The following KDM1B variants were observed in gnomAD, a reference collection of about 807,000 sequenced individuals.
The protein encoded by KDM1B is lysine demethylase 1B.
KDM1B carries 63 observed loss-of-function variants against 107.4 expected under a neutral mutation model. The ratio of observed to expected loss-of-function variants is 0.59; its 90% CI spans 0.48 to 0.72. The LOEUF (loss-of-function observed/expected upper bound fraction) is 0.72. Among genes scored for constraint, KDM1B ranks in the 30% least tolerant of loss-of-function variants. The pLI, the probability that KDM1B is intolerant of heterozygous loss-of-function variation, is 0.00. For synonymous variants in KDM1B, 363 were observed against 363.9 expected, an observed-to-expected ratio of 1.00 and a Z score of 0.03; for missense variants, 749 against 1,020.8, an observed-to-expected ratio of 0.73 and a Z score of 3.63.
intron 7 of KDM1B, among the ~76,000 whole-genome samples, chr6:18,180,819 G>A (rs1434164238): frequency 6.6e-6 from 1 of 152,160 alleles, no homozygotes; most frequent in Non-Finnish European, 1.5e-5. Flanking sequence ...ACCTGTCTTG[G>A]CCTCTCAAAG....
chr6:18,197,004 G>T lies in KDM1B; in HGVS notation c.970-53G>T. ...ATGGATTGTTTTCCTGCTATTGTTTGAATTTCTTGGGACTTTTTTAAAAAA... is the reference window on the plus strand; with the variant it reads ...ATGGATTGTTTTCCTGCTATTGTTTTAATTTCTTGGGACTTTTTTAAAAAA... On this transcript the variant is annotated intron_variant, in intron 10 of 21. Transcript: ENST00000650836. The surrounding 1 kb of genome is among the most constrained non-coding windows in gnomAD (Gnocchi z 4.5). 1 of 1,481,858 alleles carries T rather than the reference G, an allele frequency of 6.7e-7. No homozygotes were observed. Among genetic ancestry groups the T allele is most frequent in the South Asian group, 1.2e-5 (1 of 83,478 alleles). 91.8% of individuals were successfully genotyped at this position (1,481,858 alleles called of 1,614,324 possible).
At chr6:18,169,233 AAT>A (rs1561911280) in intron 6 of KDM1B, among the ~76,000 whole-genome samples, 4 of 132,778 alleles carry the variant, frequency 3.0e-5, no homozygotes, top group African/African-American at 2.8e-5. Context: ...TATATATATA[AAT>A]TTTTTTTTTT....
intron 7 of KDM1B, among the ~76,000 whole-genome samples, chr6:18,176,440 C>T (rs1786015335): frequency 6.6e-6 from 1 of 152,082 alleles, no homozygotes; most frequent in Admixed American, 6.6e-5. Flanking sequence ...TTTGGATGCC[C>T]TTTATCTCTT....
intron 7 of KDM1B, among the ~76,000 whole-genome samples, chr6:18,185,304 C>CTT (rs554155812): frequency 0.015 from 2,167 of 142,540 alleles, 33 homozygotes; most frequent in Non-Finnish European, 0.024. Context: ...CACACTCTCA[C>CTT]TTTTTTTTTT....
chr6:18,215,179 C>T (rs375837585), intron 20 of KDM1B, 50 bp downstream of exon 20: 7 of 1,581,604 alleles, frequency 4.4e-6, no homozygotes, highest in Admixed American at 1.8e-5. Context: ...GCTTGCTATC[C>T]AGAGCAGGTG....
At chr6:18,160,644 A>T (rs1784907293) in intron 3 of KDM1B, among the ~76,000 whole-genome samples, 9 of 151,970 alleles carry the variant, frequency 5.9e-5, no homozygotes, top group Non-Finnish European at 1.5e-5. Context: ...AGGCTGAGGC[A>T]GGAGAATGGC....
Position 18,222,853 on chromosome 6 carries a change from T to C in KDM1B, c.*861T>C, listed in dbSNP as rs570627207. ...ACCAAGCCCCTCTCCACTTCTTTTA[T>C]TTAAAAGCACTGATTCAATTGCTAG... On this transcript the variant is annotated 3_prime_UTR_variant, in exon 22 of 22. Transcript: ENST00000650836. 3.9e-5 allele frequency: 6 copies of C among 152,774 alleles called. No homozygotes were observed. In the South Asian group the frequency reaches 1.0e-3, roughly 26 times the overall value. 9.5% of individuals were successfully genotyped at this position (152,774 alleles called of 1,614,324 possible).
At chr6:18,192,388 A>G (rs999616607) in intron 10 of KDM1B, among the ~76,000 whole-genome samples, 2 of 152,244 alleles carry the variant, frequency 1.3e-5, no homozygotes, top group Non-Finnish European at 2.9e-5. Context: ...GACTAAAGAA[A>G]GATATGCCAG....
chr6:18,192,195 A>G (rs987571620), intron 10 of KDM1B, among the ~76,000 whole-genome samples: 1 of 152,178 alleles, frequency 6.6e-6, no homozygotes, highest in Admixed American at 6.5e-5. Flanking sequence ...TTGGGAGGTC[A>G]AGGCTGCAGT....
chr6:18,207,254 G>A (rs907046331), intron 15 of KDM1B, 144 bp from the exon 16 acceptor site: 1 of 690,710 alleles, frequency 1.4e-6, no homozygotes. Context: ...TCCTCCCCCA[G>A]TGGTGGTCTC....
chr6:18,184,331 G>A (rs1219104744), intron 7 of KDM1B, among the ~76,000 whole-genome samples: 1 of 140,142 alleles, frequency 7.1e-6, no homozygotes, highest in African/African-American at 2.6e-5. Context: ...CTGGAGTTCA[G>A]TGTTGCGATC....
chr6:18,192,217 G>A (rs1432726688), intron 10 of KDM1B, among the ~76,000 whole-genome samples: 3 of 152,202 alleles, frequency 2.0e-5, no homozygotes, highest in South Asian at 2.1e-4. Context: ...AGCCGTGATT[G>A]TGCCACTGCA....
intron 9 of KDM1B, among the ~76,000 whole-genome samples, chr6:18,190,745 G>T (rs1300902947): frequency 2.0e-5 from 3 of 151,604 alleles, no homozygotes; most frequent in South Asian, 2.1e-4. Flanking sequence ...ACTAAAAATA[G>T]AAAAATTAGC....
Position 18,204,130 on chromosome 6 carries a change from G to A in KDM1B, c.1532-1407G>A, listed in dbSNP as rs1456637077. Among the ~76,000 whole-genome samples the A allele has an allele frequency of 6.6e-6, 1 of 150,578 alleles. No homozygotes were observed. Among genetic ancestry groups the A allele is most frequent in the East Asian group, 1.9e-4 (1 of 5,180 alleles). On this transcript the variant is annotated intron_variant, in intron 14 of 21. Coordinates refer to ENST00000650836, the MANE Select transcript of KDM1B (RefSeq NM_001364614.2). The surrounding 1 kb of genome is among the most constrained non-coding windows in gnomAD (Gnocchi z 4.9). The stretch of plus-strand genomic sequence containing the variant: ...CTGAACATTTTGATGAAAGCCTTGA[G>A]CTGTTCTAAAAAAAAAAATATTTGA...
At chr6:18,180,547 C>T (rs1198992064) in intron 7 of KDM1B, among the ~76,000 whole-genome samples, 1 of 152,028 alleles carries the variant, frequency 6.6e-6, no homozygotes, top group East Asian at 1.9e-4. Context: ...TTAATCAATA[C>T]TAGCTGTGAT....
Position 18,162,530 on chromosome 6 carries a change from C to T in KDM1B, c.216-305C>T, listed in dbSNP as rs1785036596. On this transcript the variant is annotated intron_variant, in intron 4 of 21. Transcript: ENST00000650836. This position sits in a 1 kb window ranked among gnomAD's most constrained non-coding sequence, Gnocchi z 4.1. ...TATTCTCTCATGTCCACATATGCAG[C>T]CTGCAGCAAGCACAGTGGCATCTGT... Among the ~76,000 whole-genome samples, 1 of 152,102 alleles carries T rather than the reference C, an allele frequency of 6.6e-6. No individual in the cohort carries two copies. Among genetic ancestry groups the T allele is most frequent in the Admixed American group, 6.5e-5 (1 of 15,268 alleles).
In KDM1B at chr6:18,197,448, C is replaced by A; in HGVS notation, c.1147-139C>A. On this transcript the variant is annotated intron_variant, in intron 11 of 21. Transcript: ENST00000650836. This position sits in a 1 kb window ranked among gnomAD's most constrained non-coding sequence, Gnocchi z 4.5. The stretch of plus-strand genomic sequence containing the variant: ...AAGGGAGTAATAAGACAAGTGCCAC[C>A]ACATTCTTTAGGAAAATAACTTTCT... 3.7e-6 allele frequency: 3 copies of A among 803,622 alleles called. No homozygotes were observed. The highest frequency in any genetic ancestry group is 1.6e-5 in the South Asian group (1 of 63,606). The allele number at this position is 803,622 out of a possible 1,614,324, so 49.8% of individuals were successfully genotyped here.
At chr6:18,217,430 G>A (rs1213064251) in intron 20 of KDM1B, among the ~76,000 whole-genome samples, 4 of 148,054 alleles carry the variant, frequency 2.7e-5, no homozygotes, top group Non-Finnish European at 5.9e-5. Context: ...CCAGGCTGGA[G>A]TGCAGTGGCG....
chr6:18,167,724 T>G (rs968986085), intron 6 of KDM1B, among the ~76,000 whole-genome samples: 2 of 152,020 alleles, frequency 1.3e-5, no homozygotes, highest in African/African-American at 4.8e-5. Context: ...TCCACCTGCC[T>G]CAGCCTCCCA....
Sources: gnomAD v4.1 joint callset for allele counts (sites outside exome capture counted in the v4.1 genomes callset) on GRCh38, gnomAD v4.1.1 for gene constraint, Gnocchi (gnomAD v3.1) non-coding constraint, MANE v1.5 for transcripts, NCBI Gene and HGNC (gene_info 2026-07-23, HGNC 2026-07-21) for gene names.